Variants in KDM4C observed in about 807,000 individuals in gnomAD.
KDM4C encodes the protein lysine demethylase 4C, also known as lysine-specific demethylase 4C.
KDM4C carries 81 observed loss-of-function variants against 129.3 expected under a neutral mutation model. The ratio of observed to expected loss-of-function variants is 0.63; its 90% CI spans 0.52 to 0.75. The LOEUF is 0.75. Among genes scored for constraint, KDM4C ranks in the 30% least tolerant of loss-of-function variants. The pLI, the probability that KDM4C is intolerant of heterozygous loss-of-function variation, is 0.00. For missense variants in KDM4C, 1,457 were observed against 1,304.0 expected, an observed-to-expected ratio of 1.12 and a Z score of -1.81; for synonymous variants, 573 against 456.1, an observed-to-expected ratio of 1.26 and a Z score of -3.26.
At chr9:7,111,068 T>G (rs138707371) in intron 18 of KDM4C, among the ~76,000 whole-genome samples, 9 of 152,376 alleles carry the variant, frequency 5.9e-5, no homozygotes, top group Admixed American at 5.9e-4. Flanking sequence ...GACTTCATTC[T>G]TGCTGACCAG....
intron 15 of KDM4C, among the ~76,000 whole-genome samples, 183 bp from the exon 16 acceptor site, chr9:7,046,679 A>G (rs1483361032): frequency 1.3e-5 from 2 of 151,944 alleles, no homozygotes; most frequent in African/African-American, 4.8e-5. Flanking sequence ...TGAGGGGTGT[A>G]CCTCTACCAT....
rs1359261429 is a variant in KDM4C at position 6,758,051 on chromosome 9, C to G, written c.-170C>G. The G allele has an allele frequency of 4.1e-6, 4 of 985,346 alleles. No individual in the cohort carries two copies. The highest frequency in any genetic ancestry group is 4.8e-6 in the Non-Finnish European group (4 of 829,960). The allele number at this position is 985,346 out of a possible 1,614,324, so 61.0% of individuals were successfully genotyped here. On this transcript the variant is annotated 5_prime_UTR_variant, in exon 1 of 22. In the 5' UTR this introduces an upstream ATG that the reference lacks. Coordinates refer to ENST00000381309, the MANE Select transcript of KDM4C (RefSeq NM_015061.6). This position sits in a 1 kb window ranked among gnomAD's most constrained non-coding sequence, Gnocchi z 4.6. ...GGAGGGTGAGGCGCGGCGCAGTGATCGGGCGGCCGGGGTCCTGTGCGCGTG... is the reference window on the plus strand; with the variant it reads ...GGAGGGTGAGGCGCGGCGCAGTGATGGGGCGGCCGGGGTCCTGTGCGCGTG...
chr9:6,749,012 G>A, intron 1 of KDM4C: 2 of 712,316 alleles, frequency 2.8e-6, no homozygotes, highest in Non-Finnish European at 5.2e-6. Context: ...ACACTTGCAA[G>A]CTTATTATTA....
At chr9:6,940,473 A>G (rs191488691) in intron 8 of KDM4C, among the ~76,000 whole-genome samples, 11 of 152,372 alleles carry the variant, frequency 7.2e-5, no homozygotes, top group African/African-American at 2.6e-4. Flanking sequence ...GTCAACTTTC[A>G]TTTAATCCAC....
intron 15 of KDM4C, among the ~76,000 whole-genome samples, chr9:7,039,084 C>T (rs796775098): frequency 5.3e-5 from 8 of 151,820 alleles, no homozygotes; most frequent in East Asian, 1.9e-4. Flanking sequence ...CTTAAGGAGC[C>T]GTATTTGTCC....
At position 6,757,996 on chromosome 9, in the gene KDM4C, C is replaced by T. The variant is rs1185301372; in HGVS notation, c.-225C>T. 2 of 985,278 alleles carry T rather than the reference C, an allele frequency of 2.0e-6. No homozygotes were observed. Among genetic ancestry groups the T allele is most frequent in the Non-Finnish European group, 2.4e-6 (2 of 829,920 alleles). 61.0% of individuals were successfully genotyped at this position (985,278 alleles called of 1,614,324 possible). ...GGAGAGCCGGCGGTGCGCGCGCCTT[C>T]GCCGCTGCCTCCCACCCACCCCCTC... On this transcript the variant is annotated 5_prime_UTR_variant, in exon 1 of 22. Transcript: ENST00000381309.
At chr9:6,922,813 T>A (rs1821779279) in intron 8 of KDM4C, among the ~76,000 whole-genome samples, 1 of 152,232 alleles carries the variant, frequency 6.6e-6, no homozygotes, top group African/African-American at 2.4e-5. Context: ...TCACTAAGTT[T>A]CTTTCACTGT....
intron 8 of KDM4C, among the ~76,000 whole-genome samples, chr9:6,961,287 T>C (rs775853419): frequency 2.0e-5 from 3 of 152,204 alleles, no homozygotes; most frequent in Non-Finnish European, 4.4e-5. Flanking sequence ...GACAGTCTTG[T>C]CATCATGTTA....
intron 4 of KDM4C, among the ~76,000 whole-genome samples, chr9:6,842,381 C>T (rs1215351777): frequency 2.9e-5 from 4 of 138,806 alleles, no homozygotes; most frequent in East Asian, 4.2e-4. Context: ...CAGTGGCATG[C>T]GATCATGGCT....
At chr9:6,987,273 C>A (rs1442865946) in intron 11 of KDM4C, among the ~76,000 whole-genome samples, 1 of 152,130 alleles carries the variant, frequency 6.6e-6, no homozygotes, top group Admixed American at 6.5e-5. Flanking sequence ...CTTGTCCTGC[C>A]CCCTCCTCGA....
At chr9:6,996,560 A>C (rs1202869402) in intron 12 of KDM4C, among the ~76,000 whole-genome samples, 1 of 152,210 alleles carries the variant, frequency 6.6e-6, no homozygotes, top group East Asian at 1.9e-4. Context: ...CTTGGTTAAG[A>C]GATGAGGTTA....
chr9:6,984,155 C>G lies in KDM4C; in HGVS notation c.1116-11C>G. ...ACATCCCGCTCTGACCACTGCTTCTCTTGTTGACAGCTTCCAGTGTGCTAG... is the reference window on the plus strand; with the variant it reads ...ACATCCCGCTCTGACCACTGCTTCTGTTGTTGACAGCTTCCAGTGTGCTAG... On this transcript the variant is annotated splice_polypyrimidine_tract_variant and intron_variant, in intron 9 of 21. Transcript: ENST00000381309. The G allele has an allele frequency of 1.3e-6, 2 of 1,587,536 alleles. No individual in the cohort carries two copies. Among genetic ancestry groups the G allele is most frequent in the Non-Finnish European group, 1.7e-6 (2 of 1,156,452 alleles).
intron 19 of KDM4C, among the ~76,000 whole-genome samples, chr9:7,162,803 A>G (rs1843938973): frequency 6.6e-6 from 1 of 152,112 alleles, no homozygotes; most frequent in Non-Finnish European, 1.5e-5. Context: ...AAGAAAGTGC[A>G]GGGTACAGCC....
rs145990996 is a variant in KDM4C, at chr9:7,034,814, T to C, written c.2260-12048T>C. 4.7e-3 allele frequency among the ~76,000 whole-genome samples: 715 copies of C among 152,342 alleles called. 6 individuals carry two copies. The highest frequency in any genetic ancestry group is 0.016 in the African/African-American group (685 of 41,566). ...CACCAACAGTGATAAGAGTTCCTTT[T>C]TCTCCACGTCCTTACCAGTATTTGT... On this transcript the variant is annotated intron_variant, in intron 15 of 21. Transcript: ENST00000381309.
At chr9:6,981,805 T>G (rs1816810942) in intron 9 of KDM4C, 1 of 253,486 alleles carries the variant, frequency 3.9e-6, no homozygotes, top group Admixed American at 3.8e-5. Context: ...TTATGTTAAA[T>G]TTTCCTCTTC....
intron 3 of KDM4C, among the ~76,000 whole-genome samples, chr9:6,807,685 G>T (rs887108471): frequency 2.0e-5 from 3 of 146,568 alleles, no homozygotes; most frequent in African/African-American, 7.7e-5. Flanking sequence ...CATCCGCCCG[G>T]CAGCTGCCCC....
intron 18 of KDM4C, among the ~76,000 whole-genome samples, chr9:7,108,620 G>C (rs1297103031): frequency 6.6e-6 from 1 of 152,126 alleles, no homozygotes; most frequent in Non-Finnish European, 1.5e-5. Flanking sequence ...CATGAGGCAT[G>C]GGCTTAGGAC....
chr9:7,030,109 C>T (rs986028378), intron 15 of KDM4C, among the ~76,000 whole-genome samples: 9 of 152,042 alleles, frequency 5.9e-5, no homozygotes, highest in African/African-American at 1.7e-4. Context: ...GATCTTCAGC[C>T]AAGGTTCTTT....
intron 5 of KDM4C, among the ~76,000 whole-genome samples, chr9:6,852,745 A>T (rs757516560): frequency 6.6e-6 from 1 of 151,742 alleles, no homozygotes; most frequent in Non-Finnish European, 1.5e-5. Flanking sequence ...CTTGAATTCT[A>T]CCTCCAGGTA....
Sources: allele counts gnomAD v4.1 joint callset (sites outside exome capture counted in the v4.1 genomes callset), GRCh38; gene constraint gnomAD v4.1.1; non-coding constraint Gnocchi (gnomAD v3.1); transcripts MANE v1.5; gene names NCBI Gene and HGNC (gene_info 2026-07-23, HGNC 2026-07-21).